The following SPHKAP variants were observed in gnomAD, a reference collection of about 807,000 sequenced individuals.
SPHKAP encodes the protein A-kinase anchor protein SPHKAP.
A neutral mutation model predicts 137.5 loss-of-function variants in SPHKAP; 67 were observed. The observed-to-expected ratio is 0.49, with a 90% CI of 0.40 to 0.60. The LOEUF (loss-of-function observed/expected upper bound fraction) is 0.60. Ranked by LOEUF, SPHKAP falls within the 20% of genes least tolerant of loss-of-function variation. SPHKAP has a pLI of 0.00. For synonymous variants in SPHKAP, 813 were observed against 785.3 expected (o/e 1.04, Z -0.59); for missense variants, 2,097 against 2,069.3 (o/e 1.01, Z -0.26).
In SPHKAP at chr2:228,154,512, C is replaced by CTCTA. The variant is rs1393941364; in HGVS notation, c.33-22428_33-22427insTAGA. ...TCTCTCTCTCTCTCTCTCTCTCTCT[C>CTCTA]TATATATATATATATATATATTTTT... On this transcript the variant is annotated intron_variant, in intron 1 of 11. Transcript: ENST00000392056. 6.3e-3 allele frequency among the ~76,000 whole-genome samples: 140 copies of CTCTA among 22,052 alleles called. 1 individual carries two copies. The highest frequency in any genetic ancestry group is 0.025 in the East Asian group (9 of 360). The allele number at this position is 22,052 out of a possible 152,430, so 14.5% of individuals were successfully genotyped here.
At chr2:228,083,180 G>A (rs923592760) in intron 3 of SPHKAP, among the ~76,000 whole-genome samples, 9 of 152,346 alleles carry the variant, frequency 5.9e-5, no homozygotes, top group East Asian at 1.9e-4. Context: ...GAAAGCAATA[G>A]ATGGGGTATA....
At chr2:227,995,366 C>T in intron 8 of SPHKAP, 143 bp downstream of exon 8, 1 of 905,160 alleles carries the variant, frequency 1.1e-6, no homozygotes, top group South Asian at 1.5e-5. Context: ...GACAGGCAGG[C>T]CCCTCGACAT....
At chr2:228,067,433 G>A (rs531680623) in intron 3 of SPHKAP, among the ~76,000 whole-genome samples, 1 of 152,222 alleles carries the variant, frequency 6.6e-6, no homozygotes, top group East Asian at 1.9e-4. Context: ...TGAAAAGGTG[G>A]GTACTTCATT....
intron 9 of SPHKAP, among the ~76,000 whole-genome samples, chr2:227,992,271 G>A (rs576363452): frequency 1.3e-5 from 2 of 152,322 alleles, no homozygotes; most frequent in African/African-American, 4.8e-5. Flanking sequence ...GATGTTGAGA[G>A]AAAGAGTATA....
intron 1 of SPHKAP, among the ~76,000 whole-genome samples, chr2:228,162,691 C>T (rs560097859): frequency 5.5e-4 from 83 of 152,120 alleles, no homozygotes; most frequent in African/African-American, 2.0e-3. Context: ...CAAAGCCCTT[C>T]TTTTTATTTA....
chr2:228,020,035 G>A lies in SPHKAP; in HGVS notation c.819C>T (p.Ile273=), dbSNP rs781540422. The A allele has an allele frequency of 1.3e-5, 21 of 1,614,024 alleles. No individual in the cohort carries two copies. Among genetic ancestry groups the A allele is most frequent in the Non-Finnish European group, 1.7e-5 (20 of 1,180,028 alleles). Residue 273 remains isoleucine, a synonymous_variant, in exon 7 of 12, where the codon ATC becomes ATT. Coordinates refer to ENST00000392056, the MANE Select transcript of SPHKAP (RefSeq NM_001142644.2). The part of the protein sequence containing the change: ...KWLYALEDKY[I]NKYPTPLIKT... Reference sequence around the variant, plus strand: ...TAATCAATGGTGTGGGATATTTGTTGATGTATTTGTCTTCCAAAGCATAAA... The same window carrying A: ...TAATCAATGGTGTGGGATATTTGTTAATGTATTTGTCTTCCAAAGCATAAA...
intron 3 of SPHKAP, among the ~76,000 whole-genome samples, chr2:228,043,490 C>A (rs1234369138): frequency 6.6e-6 from 1 of 152,086 alleles, no homozygotes; most frequent in African/African-American, 2.4e-5. Flanking sequence ...CCATGCCTGG[C>A]TAATTTTTGT....
At chr2:228,081,881 G>A (rs1289137034) in intron 3 of SPHKAP, among the ~76,000 whole-genome samples, 3 of 152,144 alleles carry the variant, frequency 2.0e-5, no homozygotes, top group Non-Finnish European at 4.4e-5. Context: ...TGTAGAAGAT[G>A]ATGACTGTAG....
At chr2:227,997,448 G>A (rs1333168439) in intron 7 of SPHKAP, among the ~76,000 whole-genome samples, 2 of 151,872 alleles carry the variant, frequency 1.3e-5, no homozygotes, top group Non-Finnish European at 2.9e-5. Context: ...TCTCATAAAG[G>A]TTTTTGGAAG....
chr2:228,169,435 C>T (rs1700516414), intron 1 of SPHKAP, among the ~76,000 whole-genome samples: 1 of 151,966 alleles, frequency 6.6e-6, no homozygotes, highest in South Asian at 2.1e-4. Context: ...TCCTAGGGCC[C>T]TTAAGATTTA....
At chr2:228,025,680 A>C in intron 4 of SPHKAP, 152 bp from the exon 5 acceptor site, 1 of 1,104,056 alleles carries the variant, frequency 9.1e-7, no homozygotes, top group Non-Finnish European at 1.2e-6. Context: ...ATTTTATAAA[A>C]TGGAAGCATG....
intron 7 of SPHKAP, among the ~76,000 whole-genome samples, chr2:227,997,606 G>A (rs995162602): frequency 6.6e-6 from 1 of 152,130 alleles, no homozygotes; most frequent in African/African-American, 2.4e-5. Context: ...ATAACACGCT[G>A]TTTTGATCTT....
chr2:228,097,939 A>G (rs990717582), intron 3 of SPHKAP, among the ~76,000 whole-genome samples: 1 of 152,202 alleles, frequency 6.6e-6, no homozygotes, highest in Admixed American at 6.5e-5. Context: ...TGCTGTGATG[A>G]AGAGACGAGT....
At chr2:228,122,704 G>A (rs1044067982) in intron 2 of SPHKAP, among the ~76,000 whole-genome samples, 2 of 152,162 alleles carry the variant, frequency 1.3e-5, no homozygotes, top group South Asian at 2.1e-4. Flanking sequence ...TTTGCTGAAG[G>A]AAGAGAAAAT....
intron 3 of SPHKAP, among the ~76,000 whole-genome samples, chr2:228,096,943 T>C (rs946388090): frequency 3.9e-5 from 6 of 152,172 alleles, no homozygotes; most frequent in African/African-American, 1.4e-4. Context: ...CATCTTTAAT[T>C]ACTTCTATTT....
intron 2 of SPHKAP, among the ~76,000 whole-genome samples, chr2:228,128,399 T>C (rs1302587845): frequency 6.6e-6 from 1 of 152,226 alleles, no homozygotes; most frequent in Non-Finnish European, 1.5e-5. Flanking sequence ...AATTCAGTCA[T>C]TCTTCAGGCC....
At chr2:228,105,132 C>G (rs752101594) in intron 3 of SPHKAP, among the ~76,000 whole-genome samples, 9 of 152,150 alleles carry the variant, frequency 5.9e-5, no homozygotes, top group Non-Finnish European at 1.3e-4. Context: ...CTATGCCCAG[C>G]TAAGTTTTAA....
rs1694627268 is a variant in SPHKAP, at chr2:228,016,985, G to C, written c.3869C>G (p.Ser1290Cys). 1.2e-6 allele frequency: 2 copies of C among 1,614,164 alleles called. No individual in the cohort carries two copies. Among genetic ancestry groups the C allele is most frequent in the African/African-American group, 1.3e-5 (1 of 75,032 alleles). ...ASSSGLCKSDSCLYRRGGTDH... is the reference protein window; with the variant it reads ...ASSSGLCKSDCCLYRRGGTDH... ...AGTCCCACCTCTCCGATACAAGCAAGAGTCAGATTTGCAGAGACCGGATGA... is the reference window on the plus strand; with the variant it reads ...AGTCCCACCTCTCCGATACAAGCAACAGTCAGATTTGCAGAGACCGGATGA... The change falls in exon 7 of 12, where the codon TCT becomes TGT. Residue 1290 changes from serine to cysteine, a missense_variant. Ser to Cys is a moderately radical substitution (Grantham distance 112). Coordinates refer to ENST00000392056, the MANE Select transcript of SPHKAP (RefSeq NM_001142644.2).
chr2:228,116,392 G>A (rs1698711349), intron 2 of SPHKAP, among the ~76,000 whole-genome samples: 1 of 152,082 alleles, frequency 6.6e-6, no homozygotes, highest in South Asian at 2.1e-4. Flanking sequence ...TAACTTCTTT[G>A]AGACTCAGTT....
Sources: gnomAD v4.1 joint callset for allele counts (sites outside exome capture counted in the v4.1 genomes callset) on GRCh38, gnomAD v4.1.1 for gene constraint, MANE v1.5 for transcripts, NCBI Gene and HGNC (gene_info 2026-07-23, HGNC 2026-07-21) for gene names.